FAM110B: variants seen among roughly 807,000 people sequenced by gnomAD.
FAM110B encodes the protein family with sequence similarity 110 member B.
A neutral mutation model predicts 20.4 loss-of-function variants in FAM110B; 6 were observed. That is an observed-to-expected ratio of 0.29 (90% CI 0.16 to 0.58). The LOEUF is 0.58. Ranked by LOEUF, FAM110B falls within the 20% of genes least tolerant of loss-of-function variation. FAM110B has a pLI of 0.90. For missense variants in FAM110B, 434 were observed against 498.2 expected (o/e 0.87, Z 1.23); for synonymous variants, 226 against 214.1 (o/e 1.06, Z -0.49).
chr8:58,036,591 A>G (rs899079983), intron 2 of FAM110B, among the ~76,000 whole-genome samples: 3 of 152,206 alleles, frequency 2.0e-5, no homozygotes, highest in Non-Finnish European at 4.4e-5. Flanking sequence ...ATGCCAAGTG[A>G]AAGTTTCTGA....
chr8:58,085,017 C>A (rs1007881278), intron 3 of FAM110B, among the ~76,000 whole-genome samples: 13 of 152,136 alleles, frequency 8.5e-5, no homozygotes, highest in Non-Finnish European at 1.9e-4. Flanking sequence ...GATGCTAGGG[C>A]AGTCAGAGTA....
chr8:58,109,508 T>C (rs1807006635), intron 3 of FAM110B, among the ~76,000 whole-genome samples: 1 of 152,230 alleles, frequency 6.6e-6, no homozygotes, highest in Admixed American at 6.5e-5. Flanking sequence ...CCTATGATAC[T>C]GATCCTGCAC....
intron 3 of FAM110B, among the ~76,000 whole-genome samples, chr8:58,123,781 A>G (rs1356767817): frequency 2.0e-5 from 3 of 152,228 alleles, no homozygotes; most frequent in Non-Finnish European, 4.4e-5. Context: ...TCTGTCAGCT[A>G]TGCCAGACTT....
intron 3 of FAM110B, among the ~76,000 whole-genome samples, chr8:58,144,808 G>A (rs1803820991): frequency 6.6e-6 from 1 of 152,184 alleles, no homozygotes; most frequent in African/African-American, 2.4e-5. Flanking sequence ...GGCTATGGGA[G>A]GAATTGTTTC....
chr8:58,130,158 A>G (rs996688341), intron 3 of FAM110B, among the ~76,000 whole-genome samples: 4 of 152,218 alleles, frequency 2.6e-5, no homozygotes, highest in African/African-American at 9.6e-5. Flanking sequence ...TAGGATAAAA[A>G]GCTAGCACTT....
At chr8:57,998,122 A>G (rs150797867) in intron 1 of FAM110B, among the ~76,000 whole-genome samples, 4 of 152,364 alleles carry the variant, frequency 2.6e-5, no homozygotes, top group African/African-American at 9.6e-5. Context: ...TGTGGTTAAC[A>G]TTTGATTATC....
chr8:58,147,657 T>C lies in FAM110B; in HGVS notation c.*314T>C, dbSNP rs1803898969. 1 of 318,400 alleles carries C rather than the reference T, an allele frequency of 3.1e-6. No homozygotes were observed. Among genetic ancestry groups the C allele is most frequent in the African/African-American group, 2.1e-5 (1 of 46,668 alleles). The allele number at this position is 318,400 out of a possible 1,614,324, so 19.7% of individuals were successfully genotyped here. ...TATTTATGTGGTTCTTGTGTTTTTATATCCCGCGCTATTGTGTCTTAATTA... is the reference window on the plus strand; with the variant it reads ...TATTTATGTGGTTCTTGTGTTTTTACATCCCGCGCTATTGTGTCTTAATTA... On this transcript the variant is annotated 3_prime_UTR_variant, in exon 4 of 4. Coordinates refer to ENST00000519262, the MANE Select transcript of FAM110B (RefSeq NM_001377989.1).
chr8:58,006,893 C>T (rs1456551188), intron 1 of FAM110B, among the ~76,000 whole-genome samples: 3 of 71,086 alleles, frequency 4.2e-5, no homozygotes, highest in Admixed American at 1.3e-4. Context: ...CTGGGCCTGG[C>T]TTAATTGGTA....
chr8:58,116,458 C>T (rs1286036540), intron 3 of FAM110B, among the ~76,000 whole-genome samples: 2 of 152,202 alleles, frequency 1.3e-5, no homozygotes, highest in African/African-American at 4.8e-5. Context: ...TTTCCCCTAG[C>T]ATCTCTGTGG....
intron 3 of FAM110B, among the ~76,000 whole-genome samples, chr8:58,110,531 T>A (rs1434741090): frequency 6.6e-6 from 1 of 152,180 alleles, no homozygotes; most frequent in African/African-American, 2.4e-5. Flanking sequence ...TCTAATTAAG[T>A]TTTAAGTAAA....
At chr8:58,012,732 G>T (rs1005647296) in intron 1 of FAM110B, among the ~76,000 whole-genome samples, 5 of 152,198 alleles carry the variant, frequency 3.3e-5, no homozygotes, top group Non-Finnish European at 7.3e-5. Flanking sequence ...TTCCTCAGAG[G>T]AATGCTGCAG....
chr8:58,064,038 G>C (rs528203249), intron 2 of FAM110B, among the ~76,000 whole-genome samples: 1 of 152,312 alleles, frequency 6.6e-6, no homozygotes, highest in South Asian at 2.1e-4. Flanking sequence ...TATATGGCTG[G>C]TGCAGGAAGA....
At chr8:58,072,226 C>T (rs1563358916) in intron 2 of FAM110B, among the ~76,000 whole-genome samples, 1 of 152,168 alleles carries the variant, frequency 6.6e-6, no homozygotes, top group Non-Finnish European at 1.5e-5. Flanking sequence ...GCCTTGGGCA[C>T]ACATAAACAT....
chr8:58,072,262 C>T (rs1456774654), intron 2 of FAM110B, among the ~76,000 whole-genome samples: 2 of 152,194 alleles, frequency 1.3e-5, no homozygotes, highest in Admixed American at 6.5e-5. Context: ...TTGGGCAGAG[C>T]CCCTTTGAGG....
At chr8:58,014,195 G>T (rs1804594925) in intron 1 of FAM110B, among the ~76,000 whole-genome samples, 1 of 152,150 alleles carries the variant, frequency 6.6e-6, no homozygotes, top group South Asian at 2.1e-4. Flanking sequence ...TAGGATCATA[G>T]AGCTTCCTGG....
intron 2 of FAM110B, among the ~76,000 whole-genome samples, chr8:58,057,849 A>G (rs992214600): frequency 3.9e-5 from 6 of 152,260 alleles, no homozygotes; most frequent in African/African-American, 1.2e-4. Flanking sequence ...GAAGTTGCTC[A>G]GTAAAGGTTA....
chr8:58,050,969 G>A (rs979538995), intron 2 of FAM110B, among the ~76,000 whole-genome samples: 1 of 152,176 alleles, frequency 6.6e-6, no homozygotes, highest in Admixed American at 6.5e-5. Context: ...GCTGAAGACC[G>A]TGCTCTAAGA....
intron 3 of FAM110B, among the ~76,000 whole-genome samples, chr8:58,096,066 G>C (rs1304324656): frequency 6.6e-6 from 1 of 152,094 alleles, no homozygotes; most frequent in East Asian, 1.9e-4. Context: ...TGCAACCCCT[G>C]CTTTTATTTG....
chr8:58,123,833 C>T (rs980102654), intron 3 of FAM110B, among the ~76,000 whole-genome samples: 1 of 152,184 alleles, frequency 6.6e-6, no homozygotes, highest in Non-Finnish European at 1.5e-5. Context: ...GGTACACTTT[C>T]CCGCTGCGCA....
Sources: gnomAD v4.1 joint callset for allele counts (sites outside exome capture counted in the v4.1 genomes callset) on GRCh38, gnomAD v4.1.1 for gene constraint, MANE v1.5 for transcripts, NCBI Gene and HGNC (gene_info 2026-07-23, HGNC 2026-07-21) for gene names.